PTPRG: variants seen among roughly 807,000 people sequenced by gnomAD.
PTPRG encodes protein tyrosine phosphatase receptor type G.
A neutral mutation model predicts 165.3 loss-of-function variants in PTPRG; 102 were observed. The observed-to-expected ratio is 0.62, with a 90% CI of 0.53 to 0.73. PTPRG has a LOEUF of 0.73. Ranked by LOEUF, PTPRG falls within the 30% of genes least tolerant of loss-of-function variation. The pLI is 0.00. For missense variants in PTPRG, 1,866 were observed against 1,861.4 expected (o/e 1.00, Z -0.05); for synonymous variants, 675 against 669.5 (o/e 1.01, Z -0.13).
rs373674842 is a variant in PTPRG, at chr3:61,947,497, C to T, written c.191-42128C>T. On this transcript the variant is annotated intron_variant, in intron 2 of 29. Transcript: ENST00000474889. ...TCAGTGATATATAGGAAATCTGAAG[C>T]TTTGGAGGTTGCCCAGATGGAGGTG... 5.9e-5 allele frequency among the ~76,000 whole-genome samples: 9 copies of T among 152,224 alleles called. 1 individual carries two copies. The highest frequency in any genetic ancestry group is 2.2e-4 in the African/African-American group (9 of 41,534).
intron 2 of PTPRG, among the ~76,000 whole-genome samples, chr3:61,772,478 G>C (rs1025328446): frequency 6.6e-5 from 10 of 151,748 alleles, no homozygotes; most frequent in Admixed American, 2.6e-4. Context: ...TATTATAGCT[G>C]ATCAATCAGT....
chr3:61,917,958 A>AAAG (rs909771742), intron 2 of PTPRG, among the ~76,000 whole-genome samples: 7 of 140,228 alleles, frequency 5.0e-5, no homozygotes, highest in African/African-American at 1.7e-4. Flanking sequence ...TAAATAAATA[A>AAAG]AAGAAGAAGA....
chr3:61,725,960 A>G (rs761443493), intron 1 of PTPRG, among the ~76,000 whole-genome samples: 4 of 152,270 alleles, frequency 2.6e-5, no homozygotes, highest in East Asian at 3.9e-4. Context: ...TATGATAGGT[A>G]TGTGGTATCA....
At chr3:62,262,724 T>C (rs1049614869) in intron 16 of PTPRG, 74 bp from the exon 17 acceptor site, 2 of 1,104,354 alleles carry the variant, frequency 1.8e-6, no homozygotes, top group Non-Finnish European at 2.6e-6. Flanking sequence ...GAGTAAATAC[T>C]TTATGCCTTT....
At chr3:61,791,638 C>T (rs1478768359) in intron 2 of PTPRG, among the ~76,000 whole-genome samples, 2 of 152,172 alleles carry the variant, frequency 1.3e-5, no homozygotes, top group Non-Finnish European at 1.5e-5. Context: ...CAGACATGTG[C>T]CACCACGCCT....
At chr3:61,622,516 T>G (rs1701490628) in intron 1 of PTPRG, among the ~76,000 whole-genome samples, 1 of 152,186 alleles carries the variant, frequency 6.6e-6, no homozygotes, top group Non-Finnish European at 1.5e-5. Flanking sequence ...ATTTGAAAGA[T>G]TATGTTGTCG....
Position 61,940,910 on chromosome 3 carries a change from C to A in PTPRG, c.191-48715C>A, listed in dbSNP as rs368420648. Among the ~76,000 whole-genome samples, 8 of 152,168 alleles carry A rather than the reference C, an allele frequency of 5.3e-5. No homozygotes were observed. In the East Asian group the frequency reaches 1.4e-3, roughly 26 times the overall value. Reference sequence around the variant, plus strand: ...CGATCTCCTGACCTCATGATCCGCCCGCCTCGGCCTCCCAAAGTGCTGCGT... The same window carrying A: ...CGATCTCCTGACCTCATGATCCGCCAGCCTCGGCCTCCCAAAGTGCTGCGT... On this transcript the variant is annotated intron_variant, in intron 2 of 29. Coordinates refer to ENST00000474889, the MANE Select transcript of PTPRG (RefSeq NM_002841.4).
intron 1 of PTPRG, among the ~76,000 whole-genome samples, chr3:61,686,882 T>A (rs1703649861): frequency 6.6e-6 from 1 of 152,170 alleles, no homozygotes. Flanking sequence ...ATCTTTAGCA[T>A]CATGGTATTA....
intron 3 of PTPRG, among the ~76,000 whole-genome samples, chr3:61,999,788 A>C (rs760360212): frequency 6.6e-6 from 1 of 152,222 alleles, no homozygotes; most frequent in African/African-American, 2.4e-5. Flanking sequence ...AAAATAAATC[A>C]ATCTTGCTCA....
At chr3:61,964,653 CTT>C (rs939171284) in intron 2 of PTPRG, among the ~76,000 whole-genome samples, 1 of 152,188 alleles carries the variant, frequency 6.6e-6, no homozygotes, top group Admixed American at 6.5e-5. Context: ...TGAAGCTCCT[CTT>C]GTCTTTATTG....
intron 2 of PTPRG, among the ~76,000 whole-genome samples, chr3:61,818,604 C>G (rs2035860163): frequency 6.6e-6 from 1 of 151,952 alleles, no homozygotes; most frequent in Admixed American, 6.6e-5. Flanking sequence ...TTTGAGATAG[C>G]AGTGAGTCAT....
intron 4 of PTPRG, among the ~76,000 whole-genome samples, chr3:62,071,932 A>G (rs991242130): frequency 2.0e-5 from 3 of 152,230 alleles, no homozygotes; most frequent in Non-Finnish European, 4.4e-5. Context: ...GAAAAACATT[A>G]ACAATGTTTT....
intron 2 of PTPRG, among the ~76,000 whole-genome samples, chr3:61,834,428 G>T (rs983817243): frequency 6.6e-6 from 1 of 152,170 alleles, no homozygotes; most frequent in Non-Finnish European, 1.5e-5. Context: ...AGGTACAGTG[G>T]CATGTACCTG....
chr3:61,895,171 G>T (rs1416094640), intron 2 of PTPRG, among the ~76,000 whole-genome samples: 1 of 151,946 alleles, frequency 6.6e-6, no homozygotes, highest in Non-Finnish European at 1.5e-5. Context: ...AAACTCATGC[G>T]TATGAGTCAC....
intron 5 of PTPRG, among the ~76,000 whole-genome samples, chr3:62,132,092 CCCT>C (rs1350787804): frequency 6.6e-6 from 1 of 152,144 alleles, no homozygotes; most frequent in Non-Finnish European, 1.5e-5. Flanking sequence ...AGCTTCTCTC[CCCT>C]CCTCTTCTGC....
chr3:61,612,431 T>C (rs1701197026), intron 1 of PTPRG, among the ~76,000 whole-genome samples: 1 of 152,218 alleles, frequency 6.6e-6, no homozygotes, highest in African/African-American at 2.4e-5. Flanking sequence ...GAGATGCACA[T>C]GTGCCTCCAG....
rs927112556 is a variant in PTPRG, at chr3:61,561,741, T to C, written c.-547T>C. 1.2e-4 allele frequency: 19 copies of C among 152,668 alleles called. No individual in the cohort carries two copies. Among genetic ancestry groups the C allele is most frequent in the African/African-American group, 3.4e-4 (14 of 41,418 alleles). The allele number at this position is 152,668 out of a possible 1,614,324, so 9.5% of individuals were successfully genotyped here. ...TCCGTTTCCTCCGGCCGTTTCTATTTTGGGGGGCTCTCCGCTCCCCCTGCC... is the reference window on the plus strand; with the variant it reads ...TCCGTTTCCTCCGGCCGTTTCTATTCTGGGGGGCTCTCCGCTCCCCCTGCC... On this transcript the variant is annotated 5_prime_UTR_variant, in exon 1 of 30. Transcript: ENST00000474889.
chr3:61,771,008 C>T (rs1028847447), intron 2 of PTPRG: 1 of 152,122 alleles, frequency 6.6e-6, no homozygotes, highest in African/African-American at 2.4e-5. Flanking sequence ...TGTTTCCCTC[C>T]CAAGACAGCT....
At chr3:62,236,331 C>T (rs1701033275) in intron 14 of PTPRG, among the ~76,000 whole-genome samples, 2 of 152,156 alleles carry the variant, frequency 1.3e-5, no homozygotes, top group Non-Finnish European at 2.9e-5. Flanking sequence ...TAAATCAATC[C>T]ATGCCTTTTT....
Sources: gnomAD v4.1 joint callset for allele counts (sites outside exome capture counted in the v4.1 genomes callset) on GRCh38, gnomAD v4.1.1 for gene constraint, MANE v1.5 for transcripts, NCBI Gene and HGNC (gene_info 2026-07-23, HGNC 2026-07-21) for gene names.